LAMB4: variants seen among roughly 807,000 people sequenced by gnomAD.
LAMB4 encodes the protein laminin subunit beta 4, also known as laminin subunit beta-4.
A neutral mutation model predicts 199.2 loss-of-function variants in LAMB4; 196 were observed. That is an observed-to-expected ratio of 0.98 (90% CI 0.88 to 1.11). LAMB4 has a LOEUF of 1.11. Among genes scored for constraint, LAMB4 ranks in the 50% least tolerant of loss-of-function variants. The pLI is 0.00. For missense variants in LAMB4, 2,080 were observed against 2,171.2 expected (o/e 0.96, Z 0.83); for synonymous variants, 744 against 770.6 (o/e 0.97, Z 0.57).
chr7:108,117,048 C>T (rs893667075), intron 2 of LAMB4, among the ~76,000 whole-genome samples: 2 of 152,082 alleles, frequency 1.3e-5, no homozygotes, highest in Non-Finnish European at 2.9e-5. Context: ...AAAGCAACAC[C>T]AAAAACAATC....
Position 108,105,982 on chromosome 7 carries a change from G to A in LAMB4, c.705C>T (p.Thr235=), listed in dbSNP as rs2037994635. Reference sequence around the variant, plus strand: ...TCCTTCCAAGCAAAGCATCCCCAAGGGTGTGGAGCTTGGTAAAGTTTATCC... The same window carrying A: ...TCCTTCCAAGCAAAGCATCCCCAAGAGTGTGGAGCTTGGTAAAGTTTATCC... The part of the protein sequence containing the change: ...NLRINFTKLH[T]LGDALLGRRQ... The change falls in exon 8 of 34, where the codon ACC becomes ACT. Residue 235 remains threonine, a synonymous_variant. Transcript: ENST00000388781. 1 of 1,614,130 alleles carries A rather than the reference G, an allele frequency of 6.2e-7. No individual in the cohort carries two copies. Among genetic ancestry groups the A allele is most frequent in the Non-Finnish European group, 8.5e-7 (1 of 1,180,010 alleles).
In LAMB4 at chr7:108,045,782, A is replaced by G. The variant is rs146798239; in HGVS notation, c.4327-1886T>C. On this transcript the variant is annotated intron_variant, in intron 28 of 33. Transcript: ENST00000388781. Reference sequence around the variant, plus strand: ...GATGCCTGGCACACAGTAGGTGGATATTTGTTAAAGCAATGAAGAACGACA... The same window carrying G: ...GATGCCTGGCACACAGTAGGTGGATGTTTGTTAAAGCAATGAAGAACGACA... 1.2e-3 allele frequency among the ~76,000 whole-genome samples: 183 copies of G among 152,344 alleles called. 1 individual carries two copies. Among genetic ancestry groups the G allele is most frequent in the African/African-American group, 4.2e-3 (176 of 41,562 alleles).
chr7:108,048,137 A>T lies in LAMB4; in HGVS notation c.4123-26T>A, dbSNP rs142698079. 166 of 1,450,706 alleles carry T rather than the reference A, an allele frequency of 1.1e-4. No individual in the cohort carries two copies. In the East Asian group the frequency reaches 3.5e-3, roughly 31 times the overall value. 89.9% of individuals were successfully genotyped at this position (1,450,706 alleles called of 1,614,324 possible). A position where few individuals can be genotyped will look rare whatever the true frequency, so the allele number is the denominator to read the frequency against. ...CTTGCAAGAGAAATGATTTACGTTA[A>T]ATAGCAACTTGTTGTCAGAGCTTTT... On this transcript the variant is annotated intron_variant, in intron 27 of 33. Transcript: ENST00000388781.
chr7:108,022,266 A>C (rs1443118722), downstream of LAMB4, among the ~76,000 whole-genome samples: 2 of 152,222 alleles, frequency 1.3e-5, no homozygotes, highest in Non-Finnish European at 2.9e-5. Flanking sequence ...TAAAATCCTA[A>C]CGTTTAATTG....
In LAMB4 at chr7:108,047,990, G is replaced by A; in HGVS notation, c.4244C>T (p.Ser1415Leu). 26 of 1,614,128 alleles carry A rather than the reference G, an allele frequency of 1.6e-5. No individual in the cohort carries two copies. The highest frequency in any genetic ancestry group is 2.1e-5 in the Non-Finnish European group (25 of 1,180,024). Residue 1415 changes from serine to leucine, a missense_variant, in exon 28 of 34, where the codon TCA becomes TTA. Coordinates refer to ENST00000388781, the MANE Select transcript of LAMB4 (RefSeq NM_007356.3). Reference sequence around the variant, plus strand: ...CTGGGCTTTTTGGAGGGCATTCGTTGAGAGGGTCAGGGAGCCGTGACAGCC... The same window carrying A: ...CTGGGCTTTTTGGAGGGCATTCGTTAAGAGGGTCAGGGAGCCGTGACAGCC... ...GPGCHGSLTL[S>L]TNALQKAQEA...
intron 12 of LAMB4, 24 bp downstream of exon 12, chr7:108,095,204 G>T (rs1302490076): frequency 4.5e-5 from 69 of 1,544,256 alleles, no homozygotes; most frequent in Non-Finnish European, 6.1e-5. Flanking sequence ...CTATAGAAAA[G>T]GGAAACTATA....
intron 11 of LAMB4, among the ~76,000 whole-genome samples, chr7:108,095,589 G>A (rs1426844463): frequency 6.6e-6 from 1 of 152,210 alleles, no homozygotes; most frequent in South Asian, 2.1e-4. Flanking sequence ...ACAAGTAGGT[G>A]TAGCTAGTTG....
chr7:108,098,301 C>G (rs2037692899), intron 11 of LAMB4, 102 bp downstream of exon 11: 1 of 692,940 alleles, frequency 1.4e-6, no homozygotes, highest in Non-Finnish European at 1.9e-6. Flanking sequence ...CCACTGTACT[C>G]CAGCCTGGGC....
chr7:108,102,900 T>G, intron 10 of LAMB4, 144 bp downstream of exon 10: 2 of 535,568 alleles, frequency 3.7e-6, no homozygotes, highest in Non-Finnish European at 6.2e-6. Context: ...CTCTTAAAGC[T>G]GAGGTATTTT....
intron 30 of LAMB4, among the ~76,000 whole-genome samples, chr7:108,035,267 G>A (rs554451225): frequency 1.3e-5 from 2 of 152,084 alleles, no homozygotes; most frequent in East Asian, 1.9e-4. Context: ...CAGGCCAGGC[G>A]TGGTGGCTCA....
At chr7:108,036,747 C>T (rs2035244434) in intron 30 of LAMB4, among the ~76,000 whole-genome samples, 1 of 151,982 alleles carries the variant, frequency 6.6e-6, no homozygotes, top group African/African-American at 2.4e-5. Context: ...GCTAAGTCAA[C>T]AGGACAAAAG....
In LAMB4 at chr7:108,028,066, G is replaced by A. The variant is rs552070702; in HGVS notation, c.5146+977C>T. On this transcript the variant is annotated intron_variant, in intron 33 of 33. Transcript: ENST00000388781. Reference sequence around the variant, plus strand: ...CCCAAAGTGTTGGGATTACAGGTGTGAGCCACCGCGCCTGGCCGGTATTCC... The same window carrying A: ...CCCAAAGTGTTGGGATTACAGGTGTAAGCCACCGCGCCTGGCCGGTATTCC... Among the ~76,000 whole-genome samples, 60 of 152,256 alleles carry A rather than the reference G, an allele frequency of 3.9e-4. 1 individual carries two copies. The South Asian group carries it at 0.012, about 30-fold the overall frequency.
rs1282679671 is a variant in LAMB4, at chr7:108,043,770, C to T, written c.4453G>A (p.Val1485Met). The change falls in exon 29 of 34, where the codon GTG (valine) becomes ATG (methionine). Residue 1485 changes from valine (V) to methionine (M), a missense_variant. Physicochemically the swap from Val to Met is conservative, Grantham distance 21. Transcript: ENST00000388781. ...EENINLFIKK[V>M]KNFLLEENVP... The stretch of plus-strand genomic sequence containing the variant: ...AAATTACCTAACAAAAAGTTTTTCA[C>T]TTTTTTGATGAAAAGATTGATGTTT... 6 of 1,581,796 alleles carry T rather than the reference C, an allele frequency of 3.8e-6. No individual in the cohort carries two copies. In the Admixed American group the frequency reaches 1.1e-4, roughly 29 times the overall value.
chr7:108,128,426 T>C (rs537062676), intron 1 of LAMB4, among the ~76,000 whole-genome samples: 2 of 152,286 alleles, frequency 1.3e-5, no homozygotes, highest in South Asian at 4.1e-4. Context: ...CCCTACAACA[T>C]AGAATTAAGC....
intron 2 of LAMB4, among the ~76,000 whole-genome samples, chr7:108,117,707 C>T (rs1193587486): frequency 6.6e-6 from 1 of 152,152 alleles, no homozygotes; most frequent in Non-Finnish European, 1.5e-5. Context: ...GACAGAGCAG[C>T]CCCAAGGGCT....
downstream of LAMB4, among the ~76,000 whole-genome samples, chr7:108,023,034 G>A (rs773279155): frequency 1.3e-5 from 2 of 152,030 alleles, no homozygotes; most frequent in East Asian, 3.9e-4. Context: ...GGCTGGTCTC[G>A]AACTCCTGAC....
At chr7:108,088,400 G>A (rs111386735) in intron 14 of LAMB4, among the ~76,000 whole-genome samples, 131 of 152,278 alleles carry the variant, frequency 8.6e-4, no homozygotes, top group African/African-American at 3.2e-3. Context: ...CTGACCTCAG[G>A]TGACCTGCTC....
At chr7:108,014,924 G>A in the LAMB4 span, among the ~76,000 whole-genome samples, 1 of 152,210 alleles carries the variant, frequency 6.6e-6, no homozygotes, top group African/African-American at 2.4e-5. Context: ...TTTTCCCTAT[G>A]TTGGCCAGGC....
At position 108,062,807 on chromosome 7, in the gene LAMB4, G is replaced by A; in HGVS notation, c.3249C>T (p.Asp1083=). The part of the protein sequence containing the change: ...PGRGCQSCDC[D]PRTSQSSHCD... ...AGTGGCTACTTTGAGAGGTCCTAGG[G>A]TCACAGTCACATGACTGACATCCTC... is the stretch of plus-strand genomic sequence containing the variant. The change falls in exon 23 of 34, where the codon GAC becomes GAT. Residue 1083 remains aspartate, a synonymous_variant. Coordinates refer to ENST00000388781, the MANE Select transcript of LAMB4 (RefSeq NM_007356.3). 1 of 1,517,672 alleles carries A rather than the reference G, an allele frequency of 6.6e-7. No individual in the cohort carries two copies. Among genetic ancestry groups the A allele is most frequent in the Non-Finnish European group, 8.8e-7 (1 of 1,131,932 alleles). 94.0% of individuals were successfully genotyped at this position (1,517,672 alleles called of 1,614,324 possible). A position where few individuals can be genotyped will look rare whatever the true frequency, so the allele number is the denominator to read the frequency against.
Sources: gnomAD v4.1 joint callset for allele counts (sites outside exome capture counted in the v4.1 genomes callset) on GRCh38, gnomAD v4.1.1 for gene constraint, MANE v1.5 for transcripts, NCBI Gene and HGNC (gene_info 2026-07-23, HGNC 2026-07-21) for gene names.